CTNND2: variants seen among roughly 807,000 people sequenced by gnomAD.
The protein encoded by CTNND2 is catenin delta 2.
Under a neutral mutation model 144.4 loss-of-function variants are expected in CTNND2, and 22 were observed. That is an observed-to-expected ratio of 0.15 (90% CI 0.11 to 0.22). The LOEUF (loss-of-function observed/expected upper bound fraction) is 0.22, where lower values mean the gene tolerates loss of function less well. Ranked by LOEUF, CTNND2 falls within the 10% of genes least tolerant of loss-of-function variation. CTNND2 has a pLI of 1.00. For synonymous variants in CTNND2, 751 were observed against 695.6 expected, an observed-to-expected ratio of 1.08 and a Z score of -1.25; for missense variants, 1,353 against 1,618.8, an observed-to-expected ratio of 0.84 and a Z score of 2.82.
intron 12 of CTNND2, among the ~76,000 whole-genome samples, chr5:11,121,237 G>A (rs1022008134): frequency 1.3e-5 from 2 of 152,270 alleles, no homozygotes; most frequent in South Asian, 2.1e-4. Flanking sequence ...CTTCCGCGAT[G>A]CTCACTAAAT....
intron 3 of CTNND2, among the ~76,000 whole-genome samples, chr5:11,416,052 G>T (rs1761909754): frequency 6.6e-6 from 1 of 152,058 alleles, no homozygotes; most frequent in Non-Finnish European, 1.5e-5. Flanking sequence ...ATGTCACACT[G>T]ACCAAAACAA....
chr5:11,719,833 TAC>T (rs36223515), intron 2 of CTNND2, among the ~76,000 whole-genome samples: 8,155 of 141,800 alleles, frequency 0.058, 233 homozygotes, highest in South Asian at 0.062. Flanking sequence ...CTCTGACATA[TAC>T]ACACACACAC....
At chr5:11,847,159 T>C (rs1457933247) in intron 1 of CTNND2, among the ~76,000 whole-genome samples, 2 of 126,074 alleles carry the variant, frequency 1.6e-5, no homozygotes, top group African/African-American at 3.4e-5. Context: ...TATATATATA[T>C]ATATATATAT....
chr5:11,599,155 A>T (rs1779660903), intron 2 of CTNND2, among the ~76,000 whole-genome samples: 1 of 152,116 alleles, frequency 6.6e-6, no homozygotes, highest in African/African-American at 2.4e-5. Context: ...ACTAAGCCCC[A>T]CCTTCAACAC....
At chr5:11,139,574 C>T (rs1045517624) in intron 12 of CTNND2, among the ~76,000 whole-genome samples, 2 of 152,178 alleles carry the variant, frequency 1.3e-5, no homozygotes, top group Admixed American at 1.3e-4. Flanking sequence ...CCCATTTTCT[C>T]TCTGTTTGCT....
chr5:11,640,683 G>T (rs1433538391), intron 2 of CTNND2, among the ~76,000 whole-genome samples: 4 of 152,160 alleles, frequency 2.6e-5, no homozygotes, highest in African/African-American at 7.2e-5. Flanking sequence ...GTGGAATGTG[G>T]CATGAGTCAC....
intron 9 of CTNND2, among the ~76,000 whole-genome samples, chr5:11,265,544 G>A (rs1332055919): frequency 6.6e-6 from 1 of 151,938 alleles, no homozygotes; most frequent in African/African-American, 2.4e-5. Flanking sequence ...ACTCAGTAGC[G>A]TTTTGCTGAA....
intron 14 of CTNND2, among the ~76,000 whole-genome samples, chr5:11,100,234 C>T (rs955718282): frequency 6.6e-6 from 1 of 152,136 alleles, no homozygotes; most frequent in African/African-American, 2.4e-5. Flanking sequence ...TAGTTTAAGT[C>T]AAGGGTAAAG....
rs1782894882 is a variant in CTNND2, at chr5:11,656,006, T to C, written c.174+76130A>G. On this transcript the variant is annotated intron_variant, in intron 2 of 21. Transcript: ENST00000304623. The stretch of plus-strand genomic sequence containing the variant: ...TGCAGCAGATTATTCTTTGATTCAG[T>C]AAAAAAAAAAATTATTTTAGTTTTA... Among the ~76,000 whole-genome samples the C allele has an allele frequency of 5.4e-5, 8 of 149,510 alleles. No individual in the cohort carries two copies. The South Asian group carries it at 1.7e-3, about 32-fold the overall frequency.
intron 8 of CTNND2, among the ~76,000 whole-genome samples, chr5:11,355,637 A>T (rs773903990): frequency 1.3e-5 from 2 of 152,154 alleles, no homozygotes; most frequent in Non-Finnish European, 2.9e-5. Context: ...AAGGATGCCC[A>T]CTTTCACCAC....
chr5:11,008,470 A>G (rs1276370349), intron 18 of CTNND2, among the ~76,000 whole-genome samples: 1 of 152,228 alleles, frequency 6.6e-6, no homozygotes, highest in Non-Finnish European at 1.5e-5. Context: ...CAAGGAATGC[A>G]GGCAGCCTTT....
At chr5:11,592,613 A>G (rs1026680428) in intron 2 of CTNND2, among the ~76,000 whole-genome samples, 1 of 151,266 alleles carries the variant, frequency 6.6e-6, no homozygotes, top group East Asian at 1.9e-4. Flanking sequence ...AGTATTCTTA[A>G]GTAAAAAAAA....
At chr5:11,140,485 C>T (rs1170708783) in intron 12 of CTNND2, among the ~76,000 whole-genome samples, 1 of 152,202 alleles carries the variant, frequency 6.6e-6, no homozygotes, top group Non-Finnish European at 1.5e-5. Context: ...TGTTTTCAAA[C>T]ACTATGTATG....
At chr5:11,140,269 C>A (rs1325464104) in intron 12 of CTNND2, among the ~76,000 whole-genome samples, 1 of 152,136 alleles carries the variant, frequency 6.6e-6, no homozygotes, top group African/African-American at 2.4e-5. Context: ...TTCAACCTGT[C>A]CAGGGCAAAG....
intron 3 of CTNND2, among the ~76,000 whole-genome samples, chr5:11,519,738 T>C (rs995352733): frequency 4.6e-5 from 7 of 151,948 alleles, no homozygotes; most frequent in Non-Finnish European, 1.0e-4. Context: ...GTTGGATAAA[T>C]AAATGGAAGG....
intron 2 of CTNND2, among the ~76,000 whole-genome samples, chr5:11,662,117 GTATA>G (rs199809502): frequency 9.2e-5 from 13 of 141,608 alleles, no homozygotes; most frequent in African/African-American, 3.0e-4. Context: ...ATGTGTGTGT[GTATA>G]TATATATACA....
intron 16 of CTNND2, among the ~76,000 whole-genome samples, chr5:11,048,449 G>T (rs2149578086): frequency 6.6e-6 from 1 of 152,296 alleles, no homozygotes; most frequent in Non-Finnish European, 1.5e-5. Flanking sequence ...ACTGCATTTA[G>T]TTGCCTGGGA....
chr5:11,876,085 G>C (rs1470354737), intron 1 of CTNND2, among the ~76,000 whole-genome samples: 1 of 152,114 alleles, frequency 6.6e-6, no homozygotes, highest in Non-Finnish European at 1.5e-5. Context: ...TCTTCAACCT[G>C]GTGCTATTCA....
chr5:11,884,926 GT>G (rs70949346), intron 1 of CTNND2, among the ~76,000 whole-genome samples: 31,251 of 152,024 alleles, frequency 0.21, 3,724 homozygotes, highest in Non-Finnish European at 0.27. Context: ...ATCATATAGT[GT>G]TTTGTCCATT....
Sources: gnomAD v4.1 joint callset for allele counts (sites outside exome capture counted in the v4.1 genomes callset) on GRCh38, gnomAD v4.1.1 for gene constraint, MANE v1.5 for transcripts, NCBI Gene and HGNC (gene_info 2026-07-23, HGNC 2026-07-21) for gene names.